XYLT1: variants seen among roughly 807,000 people sequenced by gnomAD.
XYLT1 encodes the protein beta-D-xylosyltransferase 1.
XYLT1 carries 36 observed loss-of-function variants against 91.3 expected under a neutral mutation model. That is an observed-to-expected ratio of 0.39 (90% CI 0.30 to 0.52). The LOEUF is 0.52. XYLT1 is among the 20% of genes least tolerant of loss of function. The probability of loss-of-function intolerance (pLI) is 0.68; values close to 1 mark genes in which losing one functional copy is unlikely to be tolerated. For missense variants in XYLT1, 1,242 were observed against 1,284.5 expected (o/e 0.97, Z 0.51); for synonymous variants, 588 against 532.0 (o/e 1.11, Z -1.45).
At chr16:17,377,937 A>C (rs1356106787) in intron 1 of XYLT1, among the ~76,000 whole-genome samples, 1 of 152,238 alleles carries the variant, frequency 6.6e-6, no homozygotes, top group Non-Finnish European at 1.5e-5. Context: ...AGCTGTGCTC[A>C]TTGTACAAAG....
intron 10 of XYLT1, among the ~76,000 whole-genome samples, chr16:17,125,713 T>C (rs968765279): frequency 4.6e-5 from 7 of 152,176 alleles, no homozygotes; most frequent in Non-Finnish European, 1.0e-4. Flanking sequence ...AAGTTTTCTC[T>C]AGAATACCTG....
chr16:17,284,663 T>C (rs182469780), intron 2 of XYLT1, among the ~76,000 whole-genome samples: 160 of 152,298 alleles, frequency 1.1e-3, no homozygotes, highest in Middle Eastern at 3.4e-3. Flanking sequence ...GCACCTGTAG[T>C]CCCAGCTACT....
chr16:17,167,191 A>C (rs117966261), intron 5 of XYLT1, among the ~76,000 whole-genome samples: 4,994 of 152,326 alleles, frequency 0.033, 144 homozygotes, highest in Admixed American at 0.062. Context: ...GTGGTGAATA[A>C]GCTTCAGGAA....
intron 1 of XYLT1, among the ~76,000 whole-genome samples, chr16:17,365,205 C>G (rs1346449822): frequency 1.3e-5 from 2 of 152,198 alleles, no homozygotes; most frequent in Non-Finnish European, 2.9e-5. Context: ...CCACCCTCCA[C>G]TTTCCAGCAT....
In XYLT1 at chr16:17,470,765, G is replaced by C; in HGVS notation, c.32C>G (p.Ala11Gly). 1 of 1,072,468 alleles carries C rather than the reference G, an allele frequency of 9.3e-7. No individual in the cohort carries two copies. The allele number at this position is 1,072,468 out of a possible 1,614,324, so 66.4% of individuals were successfully genotyped here. A position where few individuals can be genotyped will look rare whatever the true frequency, so the allele number is the denominator to read the frequency against. ...GAGCAGCGCCGAGTGCGAGCGCCGG[G>C]CCAGCCTCCGGGCGCACGGCGCCGC... is the stretch of plus-strand genomic sequence containing the variant. MVAAPCARRL[A>G]RRSHSALLAA... The change falls in exon 1 of 12, where the codon GCC becomes GGC. Residue 11 changes from alanine to glycine, a missense_variant. This residue lies in a region of XYLT1 where 437 missense variants were observed against 411.5 expected (regional missense o/e 1.06). Transcript: ENST00000261381.
At chr16:17,460,603 C>G (rs950883138) in intron 1 of XYLT1, among the ~76,000 whole-genome samples, 1 of 152,134 alleles carries the variant, frequency 6.6e-6, no homozygotes, top group African/African-American at 2.4e-5. Context: ...GAGGGGCCAG[C>G]CAGGTGCCAC....
chr16:17,130,673 A>C (rs6498666), intron 9 of XYLT1, among the ~76,000 whole-genome samples: 143,938 of 152,014 alleles, frequency 0.95, 68,245 homozygotes, highest in Middle Eastern at 0.98. Flanking sequence ...ACACTGCCAG[A>C]ATCCCGGTCA....
At position 17,124,708 on chromosome 16, in the gene XYLT1, C is replaced by G. The variant is rs547712731; in HGVS notation, c.2223+2958G>C. Among the ~76,000 whole-genome samples the G allele has an allele frequency of 3.9e-5, 6 of 152,282 alleles. No individual in the cohort carries two copies. The South Asian group carries it at 1.2e-3, about 32-fold the overall frequency. ...TTCCATTATTCAAACTTTTAGATTTCTCTTCTTCCTCAGGAACGCCAATTA... is the reference window on the plus strand; with the variant it reads ...TTCCATTATTCAAACTTTTAGATTTGTCTTCTTCCTCAGGAACGCCAATTA... On this transcript the variant is annotated intron_variant, in intron 10 of 11. Coordinates refer to ENST00000261381, the MANE Select transcript of XYLT1 (RefSeq NM_022166.4).
chr16:17,232,032 A>G (rs904451254), intron 3 of XYLT1, among the ~76,000 whole-genome samples: 1 of 149,952 alleles, frequency 6.7e-6, no homozygotes, highest in Admixed American at 6.7e-5. Flanking sequence ...TGAATAGTCA[A>G]CGATGGACTG....
chr16:17,376,199 G>A (rs1018360800), intron 1 of XYLT1, among the ~76,000 whole-genome samples: 1 of 152,182 alleles, frequency 6.6e-6, no homozygotes, highest in Non-Finnish European at 1.5e-5. Context: ...CTAGAGACAC[G>A]CTTATTTGTC....
intron 1 of XYLT1, among the ~76,000 whole-genome samples, chr16:17,393,765 AATTATT>A (rs374790942): frequency 2.0e-3 from 303 of 149,506 alleles, no homozygotes; most frequent in African/African-American, 6.7e-3. Context: ...TTAATTAATT[AATTATT>A]ATTATTATTA....
chr16:17,264,439 T>G (rs942049757), intron 2 of XYLT1, among the ~76,000 whole-genome samples: 1 of 152,238 alleles, frequency 6.6e-6, no homozygotes, highest in Non-Finnish European at 1.5e-5. Context: ...ATCCATTGTG[T>G]GTATATGCCA....
intron 1 of XYLT1, among the ~76,000 whole-genome samples, chr16:17,395,134 G>A (rs1254898773): frequency 1.3e-5 from 2 of 152,186 alleles, no homozygotes; most frequent in African/African-American, 4.8e-5. Flanking sequence ...GGCAGCAGGA[G>A]AGAATGAGAG....
rs1360763258 is a variant in XYLT1 at position 17,198,410 on chromosome 16, G to C, written c.1091C>G (p.Ser364Cys). 1.9e-6 allele frequency: 3 copies of C among 1,613,906 alleles called. No homozygotes were observed. The highest frequency in any genetic ancestry group is 1.3e-5 in the African/African-American group (1 of 74,932). Reference sequence around the variant, plus strand: ...GAGCACTTGCCGATGCAGGTAATTAGAGCGCTTTTCCCAGGAGAGAAAGGG... The same window carrying C: ...GAGCACTTGCCGATGCAGGTAATTACAGCGCTTTTCCCAGGAGAGAAAGGG... Reference protein sequence around the residue: ...HFYYIHVDKRSNYLHRQVLQV... With the variant: ...HFYYIHVDKRCNYLHRQVLQV... The change falls in exon 5 of 12, where the codon TCT becomes TGT. Residue 364 changes from serine to cysteine, a missense_variant. Coordinates refer to ENST00000261381, the MANE Select transcript of XYLT1 (RefSeq NM_022166.4).
intron 10 of XYLT1, among the ~76,000 whole-genome samples, chr16:17,124,697 CTT>C (rs1337309653): frequency 6.6e-6 from 1 of 152,194 alleles, no homozygotes; most frequent in Non-Finnish European, 1.5e-5. Context: ...ATTATTCAAA[CTT>C]TTAGATTTCT....
chr16:17,306,555 A>AAGAT (rs2034473582), intron 2 of XYLT1, among the ~76,000 whole-genome samples: 1 of 117,612 alleles, frequency 8.5e-6, no homozygotes, highest in Admixed American at 8.4e-5. Context: ...ACTGTCACAA[A>AAGAT]AGATATATAT....
intron 1 of XYLT1, among the ~76,000 whole-genome samples, chr16:17,367,287 G>C (rs572943648): frequency 3.8e-4 from 58 of 152,314 alleles, no homozygotes; most frequent in African/African-American, 1.3e-3. Context: ...GCCGTTACCC[G>C]ACATGGCCCA....
chr16:17,403,167 G>T (rs751505014), intron 1 of XYLT1, among the ~76,000 whole-genome samples: 16 of 152,116 alleles, frequency 1.1e-4, no homozygotes, highest in Admixed American at 6.5e-4. Flanking sequence ...GCAGGCCAGG[G>T]ATCACTCTAT....
rs373885614 is a variant in XYLT1 at position 17,139,562 on chromosome 16, C to T, written c.1588-1031G>A. On this transcript the variant is annotated intron_variant, in intron 7 of 11. Coordinates refer to ENST00000261381, the MANE Select transcript of XYLT1 (RefSeq NM_022166.4). Reference sequence around the variant, plus strand: ...ATGGGTGGGTAAATGAGGCTCCAGCCGCCACCCCCTGCTGACCTTCCTGTG... The same window carrying T: ...ATGGGTGGGTAAATGAGGCTCCAGCTGCCACCCCCTGCTGACCTTCCTGTG... 5.8e-4 allele frequency among the ~76,000 whole-genome samples: 88 copies of T among 152,244 alleles called. 1 individual carries two copies. The highest frequency in any genetic ancestry group is 1.8e-3 in the African/African-American group (73 of 41,542).
Sources: allele counts gnomAD v4.1 joint callset (sites outside exome capture counted in the v4.1 genomes callset), GRCh38; gene constraint gnomAD v4.1.1; regional missense constraint gnomAD v4.1.1; transcripts MANE v1.5; gene names NCBI Gene and HGNC (gene_info 2026-07-23, HGNC 2026-07-21).